H3-3A: variants seen among roughly 807,000 people sequenced by gnomAD.
H3-3A encodes the protein histone H3.3.
For missense variants in H3-3A, 7 were observed against 184.0 expected, an observed-to-expected ratio of 0.04 and a Z score of 5.57; for synonymous variants, 49 against 61.4, an observed-to-expected ratio of 0.80 and a Z score of 0.95.
chr1:226,064,252 G>C (rs1657845784), intron 1 of H3-3A, 77 bp from the exon 2 acceptor site: 1 of 985,758 alleles, frequency 1.0e-6, no homozygotes, highest in Admixed American at 2.1e-5. Context: ...CAGATTTGGG[G>C]AGGGGGTGAT....
intron 3 of H3-3A, among the ~76,000 whole-genome samples, chr1:226,069,786 A>G (rs987081003): frequency 1.3e-5 from 2 of 152,076 alleles, no homozygotes; most frequent in Admixed American, 6.5e-5. Context: ...AGCCGAGGTT[A>G]TACCACTGCA....
chr1:226,067,461 G>A (rs896757781), intron 3 of H3-3A, among the ~76,000 whole-genome samples: 1 of 152,002 alleles, frequency 6.6e-6, no homozygotes, highest in African/African-American at 2.4e-5. Context: ...AGAGTGGGCC[G>A]GGCGCCGTGA....
intron 3 of H3-3A, chr1:226,066,464 A>C (rs1657928237): frequency 6.6e-6 from 1 of 152,262 alleles, no homozygotes; most frequent in African/African-American, 2.4e-5. Context: ...AATCTCTAGC[A>C]TGTCAGGACT....
intron 1 of H3-3A, among the ~76,000 whole-genome samples, chr1:226,063,148 C>A (rs903094175): frequency 2.0e-5 from 3 of 151,598 alleles, no homozygotes; most frequent in African/African-American, 7.3e-5. Flanking sequence ...CCCGCGCGGG[C>A]CTCTTAACTA....
chr1:226,066,788 T>C (rs1657939551), intron 3 of H3-3A: 2 of 152,614 alleles, frequency 1.3e-5, no homozygotes, highest in African/African-American at 2.4e-5. Flanking sequence ...GTACATTCCA[T>C]TGGAGGATTT....
intron 3 of H3-3A, among the ~76,000 whole-genome samples, chr1:226,070,737 C>T (rs1201343921): frequency 6.6e-6 from 1 of 151,848 alleles, no homozygotes; most frequent in Non-Finnish European, 1.5e-5. Context: ...CGCGCTACTG[C>T]ACTCCAGCCT....
At chr1:226,070,588 A>G (rs1023824280) in intron 3 of H3-3A, among the ~76,000 whole-genome samples, 4 of 152,080 alleles carry the variant, frequency 2.6e-5, no homozygotes, top group African/African-American at 4.8e-5. Flanking sequence ...CCTGACCAAC[A>G]TGGTGAAACC....
intron 3 of H3-3A, among the ~76,000 whole-genome samples, chr1:226,068,450 T>G (rs1657995090): frequency 6.6e-6 from 1 of 152,202 alleles, no homozygotes; most frequent in Non-Finnish European, 1.5e-5. Context: ...GCATTCTAGC[T>G]TTCTGTAATC....
intron 1 of H3-3A, among the ~76,000 whole-genome samples, chr1:226,063,646 T>C (rs1253000504): frequency 6.6e-6 from 1 of 152,000 alleles, no homozygotes; most frequent in Non-Finnish European, 1.5e-5. Context: ...ACCAAAAGTT[T>C]ATGTGGTGCT....
At chr1:226,063,707 G>T (rs1365729523) in intron 1 of H3-3A, among the ~76,000 whole-genome samples, 1 of 152,104 alleles carries the variant, frequency 6.6e-6, no homozygotes, top group East Asian at 1.9e-4. Context: ...CCTGGGTGCG[G>T]GGCACTTTTT....
chr1:226,063,986 G>T (rs893496472), intron 1 of H3-3A: 22 of 160,528 alleles, frequency 1.4e-4, no homozygotes, highest in African/African-American at 5.1e-4. Context: ...TTTTTCTTTT[G>T]ACTTGTTTGT....
intron 1 of H3-3A, among the ~76,000 whole-genome samples, chr1:226,063,072 G>A (rs909833170): frequency 5.3e-5 from 8 of 151,742 alleles, no homozygotes; most frequent in African/African-American, 1.9e-4. Flanking sequence ...CCGCGCCCCT[G>A]GCTCCTCTTT....
At chr1:226,065,249 A>G (rs1265724040) in intron 2 of H3-3A, among the ~76,000 whole-genome samples, 1 of 152,196 alleles carries the variant, frequency 6.6e-6, no homozygotes, top group Non-Finnish European at 1.5e-5. Context: ...TTTTTAAATG[A>G]AGTTCATTGG....
chr1:226,069,514 A>T (rs934536922), intron 3 of H3-3A, among the ~76,000 whole-genome samples: 3 of 152,190 alleles, frequency 2.0e-5, no homozygotes, highest in Non-Finnish European at 4.4e-5. Flanking sequence ...ATTATTTTTT[A>T]AAATGGTAAT....
At chr1:226,063,743 T>TTG (rs1657821316) in intron 1 of H3-3A, among the ~76,000 whole-genome samples, 1 of 152,174 alleles carries the variant, frequency 6.6e-6, no homozygotes, top group East Asian at 1.9e-4. Context: ...CTGTGAGGAC[T>TTG]GGACGCGAGG....
intron 3 of H3-3A, among the ~76,000 whole-genome samples, chr1:226,070,429 G>GCC (rs1658072351): frequency 6.6e-6 from 1 of 150,774 alleles, no homozygotes; most frequent in African/African-American, 2.4e-5. Flanking sequence ...CTGAGATCTT[G>GCC]CCACTGCACT....
chr1:226,062,145 G>A (rs1456168868), upstream of H3-3A: 1 of 152,126 alleles, frequency 6.6e-6, no homozygotes, highest in East Asian at 1.9e-4. Context: ...GCTTCCTGCT[G>A]GGGAGCGTTT....
upstream of H3-3A, among the ~76,000 whole-genome samples, chr1:226,062,266 C>T (rs1459008135): frequency 6.7e-6 from 1 of 150,230 alleles, no homozygotes; most frequent in African/African-American, 2.4e-5. Context: ...TCCCTCCCCT[C>T]CCCGCCGCGG....
At chr1:226,062,363 C>T (rs1377687371), upstream of H3-3A, among the ~76,000 whole-genome samples, 1 of 151,178 alleles carries the variant, frequency 6.6e-6, no homozygotes, top group Admixed American at 6.6e-5. Flanking sequence ...GCCCCAAACC[C>T]GGGCTTCGGG....
Sources: allele counts gnomAD v4.1 joint callset (sites outside exome capture counted in the v4.1 genomes callset), GRCh38; gene constraint gnomAD v4.1.1; transcripts MANE v1.5; gene names NCBI Gene and HGNC (gene_info 2026-07-23, HGNC 2026-07-21).